PSMB7: variants seen among roughly 807,000 people sequenced by gnomAD.
PSMB7 encodes proteasome 20S subunit beta 7.
A neutral mutation model predicts 28.1 loss-of-function variants in PSMB7; 5 were observed. That is an observed-to-expected ratio of 0.18 (90% confidence interval 0.09 to 0.37). The LOEUF is 0.37. PSMB7 is among the 10% of genes least tolerant of loss of function. PSMB7 has a pLI of 1.00. For missense variants in PSMB7, 275 were observed against 346.2 expected, an observed-to-expected ratio of 0.79 and a Z score of 1.63; for synonymous variants, 122 against 123.7, an observed-to-expected ratio of 0.99 and a Z score of 0.09.
At chr9:124,399,009 C>CAAAAAAAAAAAAA (rs34386702) in intron 5 of PSMB7, among the ~76,000 whole-genome samples, 2 of 129,302 alleles carry the variant, frequency 1.5e-5, no homozygotes, top group Non-Finnish European at 1.6e-5. Flanking sequence ...AAGCTTTAAC[C>CAAAAAAAAAAAAA]AAAAAAAAAA....
chr9:124,403,608 ATAAC>A (rs1830934222), intron 5 of PSMB7, among the ~76,000 whole-genome samples: 1 of 152,202 alleles, frequency 6.6e-6, no homozygotes, highest in African/African-American at 2.4e-5. Flanking sequence ...GGGCAAAAAA[ATAAC>A]TACTATTTAC....
Position 124,356,817 on chromosome 9 carries a change from C to G in PSMB7, c.669G>C (p.Lys223Asn), listed in dbSNP as rs1051926825. The G allele has an allele frequency of 1.2e-6, 2 of 1,614,178 alleles. No homozygotes were observed. The highest frequency in any genetic ancestry group is 1.7e-6 in the Non-Finnish European group (2 of 1,180,020). Residue 223 changes from lysine (K) to asparagine (N), a missense_variant, in exon 7 of 8, where the codon AAG becomes AAC. Transcript: ENST00000259457. This position sits in a 1 kb window ranked among gnomAD's most constrained non-coding sequence, Gnocchi z 4.4. Reference protein sequence around the residue: ...GSNIDLCVISKNKLDFLRPYT... With the variant: ...GSNIDLCVISNNKLDFLRPYT... ...ATGGGCGGAGAAAATCCAGCTTGTT[C>G]TTGCTGATGACGCAGAGGTCAATGT...
chr9:124,414,862 T>C lies in PSMB7; in HGVS notation c.136A>G (p.Ile46Val). The stretch of plus-strand genomic sequence containing the variant: ...CTTACCTTATAGACCACCCCAGCGA[T>C]GGTCGTGCCAGTTTTCCGGACCTTT... ...LPKVRKTGTTIAGVVYKDGIV... is the reference protein window; with the variant it reads ...LPKVRKTGTTVAGVVYKDGIV... Residue 46 changes from isoleucine to valine, a missense_variant, in exon 2 of 8, where the codon ATC becomes GTC. Around this residue, in one of 2 missense-constraint regions of PSMB7, gnomAD observed 213 missense variants for 302.4 expected, o/e 0.70. Transcript: ENST00000259457. 6.2e-7 allele frequency: 1 copy of C among 1,614,052 alleles called. No individual in the cohort carries two copies. The highest frequency in any genetic ancestry group is 8.5e-7 in the Non-Finnish European group (1 of 1,179,946).
chr9:124,356,800 A>C lies in PSMB7; in HGVS notation c.686T>G (p.Leu229Arg), dbSNP rs758294750. 1 of 1,614,162 alleles carries C rather than the reference A, an allele frequency of 6.2e-7. No homozygotes were observed. Among genetic ancestry groups the C allele is most frequent in the African/African-American group, 1.3e-5 (1 of 75,054 alleles). The change falls in exon 7 of 8, where the codon CTC becomes CGC. Residue 229 changes from leucine (L) to arginine (R), a missense_variant. Physicochemically the swap from Leu to Arg is moderately radical, Grantham distance 102. Around this residue, in one of 2 missense-constraint regions of PSMB7, gnomAD observed 213 missense variants for 302.4 expected, o/e 0.70. Coordinates refer to ENST00000259457, the MANE Select transcript of PSMB7 (RefSeq NM_002799.4). The surrounding 1 kb of genome is among the most constrained non-coding windows in gnomAD (Gnocchi z 4.4). Reference protein sequence around the residue: ...CVISKNKLDFLRPYTVPNKKG... With the variant: ...CVISKNKLDFRRPYTVPNKKG... ...CTTGTTGGGCACTGTGTATGGGCGG[A>C]GAAAATCCAGCTTGTTCTTGCTGAT...
intron 7 of PSMB7, 134 bp from the exon 8 acceptor site, chr9:124,353,843 T>C (rs1332088794): frequency 2.8e-6 from 2 of 701,914 alleles, no homozygotes; most frequent in Non-Finnish European, 4.9e-6. Context: ...CGATCCCAGC[T>C]CTGTGATCTT....
intron 4 of PSMB7, among the ~76,000 whole-genome samples, 183 bp from the exon 5 acceptor site, chr9:124,405,615 G>T (rs1229326282): frequency 6.6e-6 from 1 of 152,180 alleles, no homozygotes; most frequent in Non-Finnish European, 1.5e-5. Context: ...TCTACTGTCA[G>T]CCAGTATAAA....
intron 6 of PSMB7, among the ~76,000 whole-genome samples, chr9:124,366,669 C>A (rs998458198): frequency 2.0e-5 from 3 of 152,236 alleles, no homozygotes; most frequent in Non-Finnish European, 4.4e-5. Flanking sequence ...CACTGACTCA[C>A]CCAGAGCAAT....
rs1830954768 is a variant in PSMB7, at chr9:124,405,556, G to C, written c.396-124C>G. 2.4e-5 allele frequency: 15 copies of C among 631,606 alleles called. 1 individual carries two copies. In the South Asian group the frequency reaches 2.9e-4, roughly 12 times the overall value. The allele number at this position is 631,606 out of a possible 1,614,324, so 39.1% of individuals were successfully genotyped here. Reference sequence around the variant, plus strand: ...TTCCTTAAGACTGTTTCATTAAGGGGTTATTGTTTTGATGGGAACAAAAAA... The same window carrying C: ...TTCCTTAAGACTGTTTCATTAAGGGCTTATTGTTTTGATGGGAACAAAAAA... On this transcript the variant is annotated intron_variant, in intron 4 of 7. Coordinates refer to ENST00000259457, the MANE Select transcript of PSMB7 (RefSeq NM_002799.4).
Position 124,397,996 on chromosome 9 carries a change from C to T in PSMB7, c.511+7321G>A, listed in dbSNP as rs144718311. The stretch of plus-strand genomic sequence containing the variant: ...CAGCCTGGCCAACACGGTGAAACCC[C>T]GTCTCTACTAAAAATACAAAAATTA... On this transcript the variant is annotated intron_variant, in intron 5 of 7. Transcript: ENST00000259457. Among the ~76,000 whole-genome samples, 496 of 152,192 alleles carry T rather than the reference C, an allele frequency of 3.3e-3. 2 individuals carry two copies. Among genetic ancestry groups the T allele is most frequent in the African/African-American group, 0.012 (478 of 41,530 alleles).
chr9:124,386,146 TAA>T (rs200787837), intron 5 of PSMB7, among the ~76,000 whole-genome samples: 1 of 123,216 alleles, frequency 8.1e-6, no homozygotes, highest in Non-Finnish European at 1.7e-5. Context: ...TTTTTCTCCT[TAA>T]AAAAAAAAAA....
At chr9:124,389,520 G>A (rs983386587) in intron 5 of PSMB7, among the ~76,000 whole-genome samples, 1 of 152,080 alleles carries the variant, frequency 6.6e-6, no homozygotes, top group African/African-American at 2.4e-5. Flanking sequence ...CTGACCTCCT[G>A]CATCCACTGC....
chr9:124,405,061 G>C (rs1205486383), intron 5 of PSMB7, among the ~76,000 whole-genome samples: 3 of 151,874 alleles, frequency 2.0e-5, no homozygotes, highest in Non-Finnish European at 2.9e-5. Context: ...ACTTCTCACA[G>C]TTGTTTATTG....
At chr9:124,375,867 G>GAGTGGTCACCTTCCTAT (rs1204838143) in intron 6 of PSMB7, among the ~76,000 whole-genome samples, 1 of 152,170 alleles carries the variant, frequency 6.6e-6, no homozygotes, top group African/African-American at 2.4e-5. Flanking sequence ...ACCTCCCAGC[G>GAGTGGTCACCTTCCTAT]AGTGGTCACC....
chr9:124,395,475 G>C (rs1254440525), intron 5 of PSMB7, among the ~76,000 whole-genome samples: 3 of 152,104 alleles, frequency 2.0e-5, no homozygotes, highest in African/African-American at 7.2e-5. Flanking sequence ...CCTGGCGACA[G>C]AGCAAGACCC....
intron 5 of PSMB7, among the ~76,000 whole-genome samples, chr9:124,393,221 C>T (rs1466193346): frequency 6.6e-6 from 1 of 152,182 alleles, no homozygotes; most frequent in Non-Finnish European, 1.5e-5. Context: ...CCTCTCACTG[C>T]TCGGTAAAAC....
At chr9:124,379,580 A>G (rs913716011) in intron 6 of PSMB7, among the ~76,000 whole-genome samples, 1 of 152,234 alleles carries the variant, frequency 6.6e-6, no homozygotes, top group Non-Finnish European at 1.5e-5. Flanking sequence ...CTTTTACTTG[A>G]GGCAAGTCAT....
intron 6 of PSMB7, among the ~76,000 whole-genome samples, chr9:124,362,922 T>A (rs1252707940): frequency 6.6e-6 from 1 of 152,220 alleles, no homozygotes; most frequent in Non-Finnish European, 1.5e-5. Flanking sequence ...TTTTGTCACT[T>A]TGATTTGAAA....
intron 5 of PSMB7, among the ~76,000 whole-genome samples, chr9:124,389,243 T>C (rs1328071467): frequency 6.6e-6 from 1 of 152,190 alleles, no homozygotes; most frequent in African/African-American, 2.4e-5. Context: ...TCCAAACCAC[T>C]GTGATATCAC....
At chr9:124,382,589 C>T (rs1356637610) in intron 6 of PSMB7, among the ~76,000 whole-genome samples, 3 of 152,100 alleles carry the variant, frequency 2.0e-5, no homozygotes, top group Admixed American at 6.5e-5. Flanking sequence ...TGAATAAAGA[C>T]CAGTAACCTA....
Sources: allele counts gnomAD v4.1 joint callset (sites outside exome capture counted in the v4.1 genomes callset), GRCh38; gene constraint gnomAD v4.1.1; regional missense constraint gnomAD v4.1.1; non-coding constraint Gnocchi (gnomAD v3.1); transcripts MANE v1.5; gene names NCBI Gene and HGNC (gene_info 2026-07-23, HGNC 2026-07-21).